The following DNAH5 variants were observed in gnomAD, a reference collection of about 807,000 sequenced individuals.
DNAH5 encodes the protein dynein axonemal heavy chain 5.
A neutral mutation model predicts 518.2 loss-of-function variants in DNAH5; 372 were observed. The ratio of observed to expected loss-of-function variants is 0.72; its 90% CI spans 0.66 to 0.78. DNAH5 has a LOEUF of 0.78. Among genes scored for constraint, DNAH5 ranks in the 30% least tolerant of loss-of-function variants. The pLI, the probability that DNAH5 is intolerant of heterozygous loss-of-function variation, is 0.00. For synonymous variants in DNAH5, 2,039 were observed against 2,025.9 expected (o/e 1.01, Z -0.17); for missense variants, 5,523 against 5,687.0 (o/e 0.97, Z 0.93).
In DNAH5 at chr5:13,955,454, G is replaced by A. The variant is rs529112430; in HGVS notation, c.13-24210C>T. ...TCAGTGGGTTTCACTGCCAAACAAA[G>A]AATGGAAGAAAACAGGGTGTGTCCA... is the stretch of plus-strand genomic sequence containing the variant. On this transcript the variant is annotated intron_variant, in intron 1 of 78. Transcript: ENST00000681290. Among the ~76,000 whole-genome samples, 113 of 152,198 alleles carry A rather than the reference G, an allele frequency of 7.4e-4. 2 individuals carry two copies. The highest frequency in any genetic ancestry group is 2.4e-3 in the African/African-American group (101 of 41,530).
intron 33 of DNAH5, 95 bp from the exon 34 acceptor site, chr5:13,841,225 A>C (rs1027945172): frequency 7.1e-5 from 70 of 989,314 alleles, no homozygotes; most frequent in Non-Finnish European, 9.4e-5. Flanking sequence ...TTGTTACACA[A>C]GTGTAAAGCC....
intron 1 of DNAH5, among the ~76,000 whole-genome samples, chr5:13,996,689 T>G (rs1279434897): frequency 6.6e-6 from 1 of 152,244 alleles, no homozygotes; most frequent in Non-Finnish European, 1.5e-5. Context: ...GGGCAGACGT[T>G]AGACCCCCAA....
intron 1 of DNAH5, among the ~76,000 whole-genome samples, chr5:13,963,553 G>A (rs546109004): frequency 1.3e-5 from 2 of 149,220 alleles, no homozygotes; most frequent in East Asian, 3.9e-4. Context: ...CACCCAGCCT[G>A]GGCAACAAAG....
chr5:13,812,147 A>G (rs902724989), intron 43 of DNAH5, among the ~76,000 whole-genome samples: 1 of 152,204 alleles, frequency 6.6e-6, no homozygotes, highest in East Asian at 1.9e-4. Context: ...CTGGGCCTAC[A>G]TGTTCAGCTA....
chr5:13,803,875 A>G (rs1400041500), intron 47 of DNAH5, among the ~76,000 whole-genome samples: 1 of 152,220 alleles, frequency 6.6e-6, no homozygotes, highest in East Asian at 1.9e-4. Flanking sequence ...CTGGGTCCAA[A>G]AAACACTGTG....
At chr5:13,754,917 G>A (rs1477083589) in intron 61 of DNAH5, among the ~76,000 whole-genome samples, 5 of 151,694 alleles carry the variant, frequency 3.3e-5, no homozygotes, top group East Asian at 3.9e-4. Flanking sequence ...CGAGGTGGGC[G>A]GATCACTTGA....
In DNAH5 at chr5:13,738,598, C is replaced by T. The variant is rs141212641; in HGVS notation, c.11212-1103G>A. Among the ~76,000 whole-genome samples, 103 of 152,204 alleles carry T rather than the reference C, an allele frequency of 6.8e-4. 1 individual carries two copies. The highest frequency in any genetic ancestry group is 1.1e-3 in the Non-Finnish European group (74 of 68,014). On this transcript the variant is annotated intron_variant, in intron 65 of 78. Transcript: ENST00000265104. Reference sequence around the variant, plus strand: ...CTATTATCCTTATTGGCCTTTTCTTCCTCTTGGCAGCTTGGAGAGGGAGAG... The same window carrying T: ...CTATTATCCTTATTGGCCTTTTCTTTCTCTTGGCAGCTTGGAGAGGGAGAG...
At chr5:13,940,186 C>A (rs146136058) in intron 1 of DNAH5, among the ~76,000 whole-genome samples, 1 of 152,218 alleles carries the variant, frequency 6.6e-6, no homozygotes, top group South Asian at 2.1e-4. Context: ...TCACCTCCCC[C>A]GACATTCCAT....
At chr5:13,904,067 T>C (rs1452902420) in intron 12 of DNAH5, among the ~76,000 whole-genome samples, 1 of 151,900 alleles carries the variant, frequency 6.6e-6, no homozygotes, top group African/African-American at 2.4e-5. Flanking sequence ...ATAAAACAGT[T>C]AAACTCTTTA....
intron 12 of DNAH5, among the ~76,000 whole-genome samples, 198 bp downstream of exon 12, chr5:13,911,188 A>G (rs1775945777): frequency 6.6e-6 from 1 of 152,252 alleles, no homozygotes; most frequent in African/African-American, 2.4e-5. Flanking sequence ...AGCCAAAGCT[A>G]TATTTATGAC....
Position 13,894,761 on chromosome 5 carries a change from T to C in DNAH5, c.2320A>G (p.Ile774Val). Residue 774 changes from isoleucine (I) to valine (V), a missense_variant, in exon 16 of 79, where the codon ATT becomes GTT. Physicochemically the swap from Ile to Val is conservative, Grantham distance 29. Transcript: ENST00000265104. ...SKIPAAIEQL[I>V]VPHLAKVDEA... ...TCCACTTTGGCCAAGTGAGGGACAA[T>C]CAATTGCTCAATGGCAGCAGGTATT... 6.2e-7 allele frequency: 1 copy of C among 1,614,118 alleles called. No homozygotes were observed. The highest frequency in any genetic ancestry group is 8.5e-7 in the Non-Finnish European group (1 of 1,179,966).
At chr5:13,889,653 A>T (rs1407435475) in intron 17 of DNAH5, among the ~76,000 whole-genome samples, 1 of 152,172 alleles carries the variant, frequency 6.6e-6, no homozygotes, top group Non-Finnish European at 1.5e-5. Context: ...GTCCATGCTA[A>T]GCAGAGTGTG....
chr5:13,820,426 A>C lies in DNAH5; in HGVS notation c.6761T>G (p.Val2254Gly). ...CCCCAGAGTCATCATCCCATGTCGC[A>C]CTCTCTGCGTTTCGAATAGCTGGAT... Reference protein sequence around the residue: ...KVIQLFETQRVRHGMMTLGPS... With the variant: ...KVIQLFETQRGRHGMMTLGPS... The change falls in exon 41 of 79, where the codon GTG becomes GGG. Residue 2254 changes from valine to glycine, a missense_variant. This residue lies in a region of DNAH5 where 5,121 missense variants were observed against 5,223.3 expected (regional missense o/e 0.98). Transcript: ENST00000265104. 3 of 1,613,796 alleles carry C rather than the reference A, an allele frequency of 1.9e-6. No homozygotes were observed. Among genetic ancestry groups the C allele is most frequent in the Non-Finnish European group, 2.5e-6 (3 of 1,179,990 alleles).
intron 47 of DNAH5, among the ~76,000 whole-genome samples, chr5:13,795,053 G>A (rs967452161): frequency 8.5e-5 from 13 of 152,196 alleles, no homozygotes; most frequent in South Asian, 2.1e-4. Flanking sequence ...TTAAAGCAGC[G>A]TGTAGAGGGA....
At chr5:13,961,424 G>A (rs183902478) in intron 1 of DNAH5, among the ~76,000 whole-genome samples, 1 of 144,392 alleles carries the variant, frequency 6.9e-6, no homozygotes, top group Admixed American at 7.0e-5. Context: ...CGGGCAGATC[G>A]CCTGAGGTTA....
At chr5:13,853,361 C>T (rs1087771) in intron 30 of DNAH5, among the ~76,000 whole-genome samples, 9,324 of 152,120 alleles carry the variant, frequency 0.061, 299 homozygotes, top group African/African-American at 0.078. Flanking sequence ...AAACTCCATC[C>T]GAAGGTCACC....
In DNAH5 at chr5:13,807,700, C is replaced by G. The variant is rs1379768114; in HGVS notation, c.7778G>C (p.Gly2593Ala). ...TTTAATTATTACTGTTTTGGCTGTT[C>G]CTTGTTCACCAATTAATAGCACAGC... is the stretch of plus-strand genomic sequence containing the variant. ...GKAVLLIGEQGTAKTVIIKGF... is the reference protein window; with the variant it reads ...GKAVLLIGEQATAKTVIIKGF... Residue 2593 changes from glycine to alanine, a missense_variant, in exon 47 of 79, where the codon GGA becomes GCA. This residue lies in a region of DNAH5 where 5,121 missense variants were observed against 5,223.3 expected (regional missense o/e 0.98). Transcript: ENST00000265104. 3.1e-6 allele frequency: 5 copies of G among 1,607,550 alleles called. No individual in the cohort carries two copies. The highest frequency in any genetic ancestry group is 3.4e-6 in the Non-Finnish European group (4 of 1,175,944).
chr5:13,810,732 C>T (rs906412452), intron 44 of DNAH5, among the ~76,000 whole-genome samples: 1 of 150,140 alleles, frequency 6.7e-6, no homozygotes, highest in African/African-American at 2.5e-5. Context: ...CCAGCCTGGG[C>T]GACAGTGCGA....
At chr5:13,892,393 GCA>G (rs1773374045) in intron 16 of DNAH5, among the ~76,000 whole-genome samples, 1 of 152,158 alleles carries the variant, frequency 6.6e-6, no homozygotes, top group Non-Finnish European at 1.5e-5. Flanking sequence ...TATGTAATGT[GCA>G]GAGTGTCCCA....
Sources: gnomAD v4.1 joint callset for allele counts (sites outside exome capture counted in the v4.1 genomes callset) on GRCh38, gnomAD v4.1.1 for gene constraint, gnomAD v4.1.1 regional missense constraint, MANE v1.5 for transcripts, NCBI Gene and HGNC (gene_info 2026-07-23, HGNC 2026-07-21) for gene names.